The following MAPKBP1 variants were observed in gnomAD, a reference collection of about 807,000 sequenced individuals.
MAPKBP1 encodes mitogen-activated protein kinase binding protein 1, also known as mitogen-activated protein kinase-binding protein 1.
A neutral mutation model predicts 170.5 loss-of-function variants in MAPKBP1; 71 were observed. The ratio of observed to expected loss-of-function variants is 0.42; its 90% CI spans 0.34 to 0.51. The LOEUF is 0.51. Ranked by LOEUF, MAPKBP1 falls within the 20% of genes least tolerant of loss-of-function variation. MAPKBP1 has a pLI of 0.06. For synonymous variants in MAPKBP1, 719 were observed against 757.9 expected (o/e 0.95, Z 0.84); for missense variants, 1,598 against 1,933.0 (o/e 0.83, Z 3.25).
At chr15:41,780,368 G>A (rs185068111) in intron 2 of MAPKBP1, among the ~76,000 whole-genome samples, 1 of 152,300 alleles carries the variant, frequency 6.6e-6, no homozygotes, top group East Asian at 1.9e-4. Flanking sequence ...AGTTGGGCTT[G>A]ATGCTGTTAT....
In MAPKBP1 at chr15:41,823,950, C is replaced by G. The variant is rs750354135; in HGVS notation, c.4102C>G (p.Pro1368Ala). Residue 1368 changes from proline to alanine, a missense_variant, in exon 29 of 31, where the codon CCA becomes GCA. Physicochemically the swap from Pro to Ala is conservative, Grantham distance 27 (BLOSUM62 -1). Transcript: ENST00000457542. ...GPSSPCAQQL[P>A]VSSLFQGPEN... Reference sequence around the variant, plus strand: ...CAGCAGCCCCTGTGCCCAGCAACTGCCAGTCAGCAGCCTCTTCCAAGGCCC... The same window carrying G: ...CAGCAGCCCCTGTGCCCAGCAACTGGCAGTCAGCAGCCTCTTCCAAGGCCC... 1 of 1,614,150 alleles carries G rather than the reference C, an allele frequency of 6.2e-7. No homozygotes were observed. The highest frequency in any genetic ancestry group is 8.5e-7 in the Non-Finnish European group (1 of 1,180,020).
At chr15:41,814,323 C>T (rs567731505) in intron 9 of MAPKBP1, among the ~76,000 whole-genome samples, 4 of 152,296 alleles carry the variant, frequency 2.6e-5, no homozygotes, top group South Asian at 2.1e-4. Flanking sequence ...CCTTGTCTAA[C>T]GTTGGTGTTC....
chr15:41,817,629 C>T lies in MAPKBP1; in HGVS notation c.1798C>T (p.Gln600Ter), dbSNP rs938896610. 2 of 1,614,214 alleles carry T rather than the reference C, an allele frequency of 1.2e-6. No individual in the cohort carries two copies. Among genetic ancestry groups the T allele is most frequent in the Non-Finnish European group, 1.7e-6 (2 of 1,180,032 alleles). The part of the protein sequence containing the change: ...RTAQKSGDGV[Q>*]FTRTHHVVRK... ...ACCCCTGCAGTCTGGAGATGGAGTG[C>T]AGTTCACACGGACACACCACGTGGT... The change falls in exon 16 of 31, where the codon CAG becomes TAG. Residue 600 changes from glutamine to a stop codon, truncating the protein, a stop_gained. Transcript: ENST00000457542. LOFTEE classifies it high-confidence loss of function. This position sits in a 1 kb window ranked among gnomAD's most constrained non-coding sequence, Gnocchi z 4.2.
chr15:41,776,826 C>A (rs1198138865), intron 2 of MAPKBP1, among the ~76,000 whole-genome samples: 2 of 152,172 alleles, frequency 1.3e-5, no homozygotes, highest in African/African-American at 4.8e-5. Context: ...TTTAAGACTT[C>A]CAATATCATC....
intron 3 of MAPKBP1, among the ~76,000 whole-genome samples, chr15:41,804,222 A>G (rs1471232111): frequency 6.6e-6 from 1 of 152,214 alleles, no homozygotes; most frequent in East Asian, 1.9e-4. Flanking sequence ...ATTTATGGGC[A>G]GCTCAGTCTG....
At position 41,823,140 on chromosome 15, in the gene MAPKBP1, C is replaced by G. The variant is rs1253491113; in HGVS notation, c.3516C>G (p.Ser1172Arg). ...GATGCCGTCTCAACCCTGACAGCAG[C>G]TGGGCTCCCAAGAGAGTGGCCACAG... ...LPRCRLNPDS[S>R]WAPKRVATAS... The change falls in exon 28 of 31, where the codon AGC becomes AGG. Residue 1172 changes from serine (S) to arginine (R), a missense_variant. Ser to Arg is a moderately radical substitution (Grantham distance 110). Coordinates refer to ENST00000457542, the MANE Select transcript of MAPKBP1 (RefSeq NM_014994.3). The G allele has an allele frequency of 6.2e-7, 1 of 1,613,734 alleles. No homozygotes were observed. Among genetic ancestry groups the G allele is most frequent in the South Asian group, 1.1e-5 (1 of 91,084 alleles).
In MAPKBP1 at chr15:41,825,585, G is replaced by A. The variant is rs3743028; in HGVS notation, c.*149G>A. ...AGCAGCCTTCCCAGCCGCTCCTCGT[G>A]GGGGGCCTGTATTTATTAATTTATT... On this transcript the variant is annotated 3_prime_UTR_variant, in exon 31 of 31. Transcript: ENST00000457542. The A allele has an allele frequency of 6.5e-6, 4 of 617,898 alleles. No individual in the cohort carries two copies. Among genetic ancestry groups the A allele is most frequent in the South Asian group, 4.3e-5 (2 of 46,040 alleles). 38.3% of individuals were successfully genotyped at this position (617,898 alleles called of 1,614,324 possible).
At chr15:41,824,749 C>T (rs1005807061) in intron 30 of MAPKBP1, among the ~76,000 whole-genome samples, 180 bp downstream of exon 30, 1 of 152,158 alleles carries the variant, frequency 6.6e-6, no homozygotes, top group African/African-American at 2.4e-5. Flanking sequence ...GTACCGGGCA[C>T]CTGCGGTCAT....
chr15:41,800,645 C>T (rs2064575745), intron 3 of MAPKBP1, among the ~76,000 whole-genome samples: 2 of 149,236 alleles, frequency 1.3e-5, no homozygotes, highest in African/African-American at 4.9e-5. Flanking sequence ...CCATTCCTAT[C>T]AGTCACTTTT....
In MAPKBP1 at chr15:41,817,741, C is replaced by T. The variant is rs762260086; in HGVS notation, c.1904+6C>T. 6 of 1,611,300 alleles carry T rather than the reference C, an allele frequency of 3.7e-6. No homozygotes were observed. The highest frequency in any genetic ancestry group is 1.6e-4 in the Middle Eastern group (1 of 6,074). ...TGCCAGGACCGAAATATTCGGTGGG[C>T]GTCCCCTCCTCAGACTCTGCCCACA... On this transcript the variant is annotated splice_donor_region_variant and intron_variant, in intron 16 of 30. Transcript: ENST00000457542. This position sits in a 1 kb window ranked among gnomAD's most constrained non-coding sequence, Gnocchi z 4.2.
At chr15:41,791,121 C>G (rs537739464) in intron 2 of MAPKBP1, among the ~76,000 whole-genome samples, 1 of 152,134 alleles carries the variant, frequency 6.6e-6, no homozygotes, top group African/African-American at 2.4e-5. Context: ...TTTATAGAAA[C>G]AGCAAGTCCA....
chr15:41,775,485 G>A (rs773766391), intron 2 of MAPKBP1, 96 bp downstream of exon 2: 1 of 909,148 alleles, frequency 1.1e-6, no homozygotes, highest in Non-Finnish European at 1.8e-6. Flanking sequence ...ATAACTAGAA[G>A]CCCTTGTTGA....
At position 41,813,766 on chromosome 15, in the gene MAPKBP1, G is replaced by A; in HGVS notation, c.965G>A (p.Ser322Asn). The A allele has an allele frequency of 6.3e-7, 1 of 1,599,700 alleles. No individual in the cohort carries two copies. Among genetic ancestry groups the A allele is most frequent in the South Asian group, 1.1e-5 (1 of 89,244 alleles). Reference protein sequence around the residue: ...RPHALGTDIASVTEASRLFSG... With the variant: ...RPHALGTDIANVTEASRLFSG... ...CATGCTCTGGGGACAGACATTGCTAGCGTCACCGAGGCCAGGTGAGCTATG... is the reference window on the plus strand; with the variant it reads ...CATGCTCTGGGGACAGACATTGCTAACGTCACCGAGGCCAGGTGAGCTATG... The change falls in exon 9 of 31, where the codon AGC becomes AAC. Residue 322 changes from serine to asparagine, a missense_variant. Transcript: ENST00000457542.
In MAPKBP1 at chr15:41,816,906, C is replaced by A. The variant is rs1419347852; in HGVS notation, c.1586-4C>A. On this transcript the variant is annotated splice_region_variant and splice_polypyrimidine_tract_variant and intron_variant, in intron 13 of 30. Transcript: ENST00000457542. ...ATGGGCTGATGGAGTTCTTTCATCC[C>A]CAGGTCTGAAACTGCTAGCATCGGC... is the stretch of plus-strand genomic sequence containing the variant. 4 of 1,601,302 alleles carry A rather than the reference C, an allele frequency of 2.5e-6. No individual in the cohort carries two copies. Among genetic ancestry groups the A allele is most frequent in the Non-Finnish European group, 3.4e-6 (4 of 1,172,622 alleles).
chr15:41,815,463 A>G (rs1004773820), intron 11 of MAPKBP1, 58 bp downstream of exon 11: 9 of 1,598,192 alleles, frequency 5.6e-6, no homozygotes, highest in South Asian at 3.4e-5. Context: ...CCCCACAGCT[A>G]TTGCACCTTG....
At chr15:41,822,904 T>C (rs1401834982) in intron 27 of MAPKBP1, 35 bp from the exon 28 acceptor site, 1 of 1,572,394 alleles carries the variant, frequency 6.4e-7, no homozygotes, top group African/African-American at 1.3e-5. Context: ...GCATTGAGCC[T>C]TCTCTGGGCC....
chr15:41,783,268 T>C (rs1370178635), intron 2 of MAPKBP1, among the ~76,000 whole-genome samples: 1 of 152,192 alleles, frequency 6.6e-6, no homozygotes, highest in Non-Finnish European at 1.5e-5. Context: ...ATTCCACTGT[T>C]TTGTTATCTC....
At chr15:41,775,513 T>G in intron 2 of MAPKBP1, 124 bp downstream of exon 2, 1 of 715,824 alleles carries the variant, frequency 1.4e-6, no homozygotes, top group Non-Finnish European at 2.4e-6. Context: ...GGATCACATA[T>G]GATCTCTGCA....
chr15:41,814,889 G>C (rs2064863796), intron 10 of MAPKBP1, 150 bp downstream of exon 10: 4 of 1,016,726 alleles, frequency 3.9e-6, no homozygotes, highest in East Asian at 2.5e-5. Flanking sequence ...CCTGGGGACT[G>C]AGTTTGAATG....
Sources: gnomAD v4.1 joint callset for allele counts (sites outside exome capture counted in the v4.1 genomes callset) on GRCh38, gnomAD v4.1.1 for gene constraint, Gnocchi (gnomAD v3.1) non-coding constraint, MANE v1.5 for transcripts, NCBI Gene and HGNC (gene_info 2026-07-23, HGNC 2026-07-21) for gene names.